TERB2: variants seen among roughly 807,000 people sequenced by gnomAD.
The protein encoded by TERB2 is telomere repeat binding bouquet formation protein 2.
Under a neutral mutation model 29.8 loss-of-function variants are expected in TERB2, and 26 were observed. The observed-to-expected ratio is 0.87, with a 90% CI of 0.64 to 1.21. The LOEUF is 1.21. Among genes scored for constraint, TERB2 ranks in the 50% most tolerant of loss-of-function variants. The probability of loss-of-function intolerance (pLI) is 0.00; values close to 1 mark genes in which losing one functional copy is unlikely to be tolerated. For synonymous variants in TERB2, 80 were observed against 90.8 expected (o/e 0.88, Z 0.68); for missense variants, 240 against 268.6 (o/e 0.89, Z 0.74).
At chr15:44,974,092 C>A in intron 6 of TERB2, 137 bp downstream of exon 6, 1 of 931,218 alleles carries the variant, frequency 1.1e-6, no homozygotes, top group Admixed American at 4.7e-5. Context: ...GGACACATCA[C>A]TTAAATATTG....
At chr15:44,972,662 C>T (rs1376432461) in intron 5 of TERB2, among the ~76,000 whole-genome samples, 1 of 150,870 alleles carries the variant, frequency 6.6e-6, no homozygotes, top group Non-Finnish European at 1.5e-5. Flanking sequence ...ATTACAGCTG[C>T]TCGCCACCAC....
intron 6 of TERB2, among the ~76,000 whole-genome samples, chr15:44,974,787 T>C (rs1228281911): frequency 4.6e-5 from 7 of 152,234 alleles, no homozygotes; most frequent in Non-Finnish European, 8.8e-5. Context: ...ATAATTTGTA[T>C]ATTTATCATT....
intron 6 of TERB2, among the ~76,000 whole-genome samples, chr15:44,974,587 C>A (rs1388601371): frequency 1.3e-5 from 2 of 151,996 alleles, no homozygotes; most frequent in African/African-American, 4.8e-5. Flanking sequence ...AGGGTAGAAC[C>A]AAGGGAACCA....
At chr15:44,969,268 C>G (rs1263630826) in intron 5 of TERB2, among the ~76,000 whole-genome samples, 2 of 152,048 alleles carry the variant, frequency 1.3e-5, no homozygotes, top group African/African-American at 2.4e-5. Context: ...CCCGTCTAGC[C>G]AATTTTTCTT....
chr15:44,972,886 TG>T (rs1440251786), intron 5 of TERB2, among the ~76,000 whole-genome samples: 11 of 146,188 alleles, frequency 7.5e-5, no homozygotes, highest in South Asian at 4.3e-4. Flanking sequence ...GAACATCAAT[TG>T]TTTTTTTTTT....
chr15:44,969,372 TG>T (rs1891935252), intron 5 of TERB2, among the ~76,000 whole-genome samples: 1 of 152,234 alleles, frequency 6.6e-6, no homozygotes, highest in East Asian at 1.9e-4. Context: ...CCTCCCAAAG[TG>T]CTGGGATTAT....
At chr15:44,966,585 T>C (rs1249996040) in intron 5 of TERB2, among the ~76,000 whole-genome samples, 1 of 152,262 alleles carries the variant, frequency 6.6e-6, no homozygotes, top group East Asian at 1.9e-4. Context: ...GAGACAAGGA[T>C]TTTATGTATG....
At chr15:44,959,821 A>C (rs769646014) in intron 3 of TERB2, among the ~76,000 whole-genome samples, 2 of 152,224 alleles carry the variant, frequency 1.3e-5, no homozygotes, top group Non-Finnish European at 2.9e-5. Context: ...CATCTCCAGA[A>C]AGACAGATTA....
chr15:44,977,839 A>G (rs1457856181), intron 6 of TERB2, among the ~76,000 whole-genome samples: 1 of 152,204 alleles, frequency 6.6e-6, no homozygotes, highest in African/African-American at 2.4e-5. Context: ...TACACATAAA[A>G]TGTAATCATT....
At chr15:44,969,196 T>C (rs1287060018) in intron 5 of TERB2, among the ~76,000 whole-genome samples, 1 of 152,074 alleles carries the variant, frequency 6.6e-6, no homozygotes, top group Non-Finnish European at 1.5e-5. Flanking sequence ...CTCCACCTCC[T>C]GGGTTCAAGC....
rs191654112 is a variant in TERB2 at position 44,964,190 on chromosome 15, T to G, written c.349-1968T>G. On this transcript the variant is annotated intron_variant, in intron 4 of 6. Transcript: ENST00000340827. ...AGGGAGAAAATCTTTCATTTTTATT[T>G]TATTTTTTTTAAACTTCAAACCCAC... is the stretch of plus-strand genomic sequence containing the variant. 3.3e-5 allele frequency among the ~76,000 whole-genome samples: 5 copies of G among 152,306 alleles called. No individual in the cohort carries two copies. The East Asian group carries it at 9.6e-4, about 29-fold the overall frequency.
At chr15:44,959,259 G>A in intron 3 of TERB2, among the ~76,000 whole-genome samples, 1 of 152,020 alleles carries the variant, frequency 6.6e-6, no homozygotes, top group East Asian at 1.9e-4. Flanking sequence ...AAATAGGATG[G>A]GGAAGTAAAT....
intron 4 of TERB2, among the ~76,000 whole-genome samples, chr15:44,963,804 C>CT (rs34438861): frequency 0.06 from 4,748 of 79,180 alleles, 265 homozygotes; most frequent in African/African-American, 0.11. Context: ...TTATACTATT[C>CT]TTTTTTTTTT....
intron 5 of TERB2, among the ~76,000 whole-genome samples, chr15:44,968,226 T>G (rs1381249380): frequency 1.3e-5 from 2 of 151,902 alleles, no homozygotes; most frequent in Admixed American, 1.3e-4. Context: ...CATTTTTTGT[T>G]TTTAATTGAG....
intron 5 of TERB2, among the ~76,000 whole-genome samples, chr15:44,972,463 G>A (rs1891985786): frequency 6.6e-6 from 1 of 151,384 alleles, no homozygotes; most frequent in South Asian, 2.1e-4. Context: ...TTTTTGAATA[G>A]TGACTGTTCA....
At chr15:44,959,411 C>G (rs577583611) in intron 3 of TERB2, among the ~76,000 whole-genome samples, 36 of 152,246 alleles carry the variant, frequency 2.4e-4, no homozygotes, top group African/African-American at 5.8e-4. Flanking sequence ...CTCTGTCGTC[C>G]AGGCTGGAGT....
At position 44,978,563 on chromosome 15, in the gene TERB2, T is replaced by G. The variant is rs1235879714; in HGVS notation, c.598T>G (p.Leu200Val). 6.2e-7 allele frequency: 1 copy of G among 1,610,692 alleles called. No homozygotes were observed. The highest frequency in any genetic ancestry group is 8.5e-7 in the Non-Finnish European group (1 of 1,178,220). The part of the protein sequence containing the change: ...HDFIPGTSGY[L>V]AYHVQNEINM... ...CTTCATTCCTGGAACCTCAGGATAT[T>G]TGGCATATCATGTTCAAAATGAAAT... Residue 200 changes from leucine to valine, a missense_variant, in exon 7 of 7, where the codon TTG (leucine) becomes GTG (valine). By Grantham distance (32) the Leu-to-Val change is conservative (BLOSUM62 1). Coordinates refer to ENST00000340827, the MANE Select transcript of TERB2 (RefSeq NM_152448.3).
chr15:44,966,502 T>G (rs1020482311), intron 5 of TERB2, among the ~76,000 whole-genome samples: 1 of 152,192 alleles, frequency 6.6e-6, no homozygotes, highest in African/African-American at 2.4e-5. Context: ...CATTAAATAC[T>G]ATACCAGGTA....
chr15:44,963,525 A>T (rs539984273), intron 4 of TERB2, among the ~76,000 whole-genome samples: 2 of 152,204 alleles, frequency 1.3e-5, no homozygotes, highest in African/African-American at 4.8e-5. Context: ...GGTATAAAAG[A>T]CATTTGGAGA....
Sources: gnomAD v4.1 joint callset for allele counts (sites outside exome capture counted in the v4.1 genomes callset) on GRCh38, gnomAD v4.1.1 for gene constraint, MANE v1.5 for transcripts, NCBI Gene and HGNC (gene_info 2026-07-23, HGNC 2026-07-21) for gene names.